Variants in FASTKD2 observed in about 807,000 individuals in gnomAD.
FASTKD2 encodes FAST kinase domain-containing protein 2, mitochondrial.
FASTKD2 carries 51 observed loss-of-function variants against 63.6 expected under a neutral mutation model. The ratio of observed to expected loss-of-function variants is 0.80; its 90% CI spans 0.64 to 1.01. The LOEUF is 1.01. FASTKD2 is among the 50% of genes least tolerant of loss of function. The pLI, the probability that FASTKD2 is intolerant of heterozygous loss-of-function variation, is 0.00. For synonymous variants in FASTKD2, 284 were observed against 293.4 expected (o/e 0.97, Z 0.33); for missense variants, 786 against 831.1 (o/e 0.95, Z 0.67).
chr2:206,772,106 T>C, intron 5 of FASTKD2, 75 bp from the exon 6 acceptor site: 1 of 1,594,634 alleles, frequency 6.3e-7, no homozygotes, highest in Non-Finnish European at 8.6e-7. Context: ...TGCTTTTATA[T>C]GAAAAAAGAA....
Position 206,786,840 on chromosome 2 carries a change from C to T in FASTKD2, c.1535C>T (p.Pro512Leu), listed in dbSNP as rs773071722. Residue 512 changes from proline to leucine, a missense_variant, in exon 8 of 12, where the codon CCC becomes CTC. By Grantham distance (98) the Pro-to-Leu change is moderately conservative (BLOSUM62 -3). Transcript: ENST00000402774. Reference protein sequence around the residue: ...VYSFCLMNYFPLAPFNQLLQK... With the variant: ...VYSFCLMNYFLLAPFNQLLQK... ...TCATTTTGCTTGATGAATTACTTTC[C>T]CCTGGCTCCTTTTAATCAGCTTCTG... The T allele has an allele frequency of 1.2e-5, 20 of 1,613,584 alleles. No individual in the cohort carries two copies. Among genetic ancestry groups the T allele is most frequent in the Admixed American group, 1.7e-5 (1 of 59,978 alleles).
intron 7 of FASTKD2, among the ~76,000 whole-genome samples, chr2:206,777,050 C>T (rs1305198267): frequency 1.3e-5 from 2 of 151,956 alleles, no homozygotes; most frequent in Non-Finnish European, 2.9e-5. Context: ...CTTTTTGATA[C>T]TATTATAAAC....
At position 206,792,886 on chromosome 2, in the gene FASTKD2, G is replaced by T. The variant is rs1574678316; in HGVS notation, c.*1084G>T. On this transcript the variant is annotated 3_prime_UTR_variant, in exon 12 of 12. Transcript: ENST00000402774. ...TTTGCCCAAGGCTACACAGAGTAGGGGAGGGCTGGAGTTTGAATGTGAGCT... is the reference window on the plus strand; with the variant it reads ...TTTGCCCAAGGCTACACAGAGTAGGTGAGGGCTGGAGTTTGAATGTGAGCT... Among the ~76,000 whole-genome samples, 1 of 152,126 alleles carries T rather than the reference G, an allele frequency of 6.6e-6. No individual in the cohort carries two copies. Among genetic ancestry groups the T allele is most frequent in the African/African-American group, 2.4e-5 (1 of 41,422 alleles).
chr2:206,781,325 TTTTTTTG>T (rs1413603250), intron 7 of FASTKD2, among the ~76,000 whole-genome samples: 1 of 131,244 alleles, frequency 7.6e-6, no homozygotes, highest in African/African-American at 3.2e-5. Flanking sequence ...TTTTTTTTTT[TTTTTTTG>T]AGACAGAGTT....
rs1177340594 is a variant in FASTKD2, at chr2:206,772,022, G to T, written c.1114+5G>T. 20 of 1,613,770 alleles carry T rather than the reference G, an allele frequency of 1.2e-5. No homozygotes were observed. The highest frequency in any genetic ancestry group is 1.2e-4 in the Admixed American group (7 of 60,000). On this transcript the variant is annotated splice_donor_5th_base_variant and intron_variant, in intron 5 of 11. Coordinates refer to ENST00000402774, the MANE Select transcript of FASTKD2 (RefSeq NM_001136193.2). The stretch of plus-strand genomic sequence containing the variant: ...AATGCAGTAAGGTGGTCCTAGGTAA[G>T]AGGAATTTTTCTTTCATCATTTGCA...
intron 10 of FASTKD2, chr2:206,790,289 G>T: frequency 5.4e-6 from 2 of 368,262 alleles, no homozygotes; most frequent in East Asian, 6.0e-5. Context: ...CCTTAAAATT[G>T]GTGCTTTCAT....
At chr2:206,784,175 A>G (rs1160086460) in intron 7 of FASTKD2, among the ~76,000 whole-genome samples, 6 of 152,248 alleles carry the variant, frequency 3.9e-5, no homozygotes, top group African/African-American at 1.2e-4. Context: ...AAGGCTATAA[A>G]AAAAGAAGTT....
At chr2:206,775,239 C>T (rs1237858678) in intron 7 of FASTKD2, among the ~76,000 whole-genome samples, 2 of 151,852 alleles carry the variant, frequency 1.3e-5, no homozygotes, top group Non-Finnish European at 2.9e-5. Context: ...ATTCTCATTT[C>T]AATTCTTATG....
At chr2:206,767,508 A>G (rs2105970907) in intron 2 of FASTKD2, 38 bp downstream of exon 2, 1 of 1,527,900 alleles carries the variant, frequency 6.5e-7, no homozygotes, top group Non-Finnish European at 9.0e-7. Flanking sequence ...CATTTACTTG[A>G]TTTAGAATAT....
At position 206,771,947 on chromosome 2, in the gene FASTKD2, G is replaced by A; in HGVS notation, c.1044G>A (p.Met348Ile). The A allele has an allele frequency of 6.2e-7, 1 of 1,611,846 alleles. No homozygotes were observed. The highest frequency in any genetic ancestry group is 1.1e-5 in the South Asian group (1 of 91,028). The change falls in exon 5 of 12, where the codon ATG (methionine) becomes ATA (isoleucine). Residue 348 changes from methionine (M) to isoleucine (I), a missense_variant. Met to Ile is a conservative substitution (Grantham distance 10). Transcript: ENST00000402774. The part of the protein sequence containing the change: ...DRFSVLNSQH[M>I]FEVLAAMNHR... ...TTTCTGTTTTGAATAGCCAACACAT[G>A]TTTGAAGTACTAGCTGCCATGAATC...
intron 2 of FASTKD2, among the ~76,000 whole-genome samples, chr2:206,768,011 C>G (rs948905292): frequency 2.6e-5 from 4 of 152,054 alleles, no homozygotes; most frequent in African/African-American, 7.2e-5. Context: ...TGGGTGGGAA[C>G]AAGTTTTGTA....
chr2:206,780,860 G>A (rs527286159), intron 7 of FASTKD2, among the ~76,000 whole-genome samples: 4 of 152,020 alleles, frequency 2.6e-5, no homozygotes, highest in South Asian at 4.2e-4. Context: ...CAAATTCTCC[G>A]ATTCTCTTTT....
chr2:206,772,949 A>G (rs1435861997), intron 6 of FASTKD2, among the ~76,000 whole-genome samples: 1 of 152,202 alleles, frequency 6.6e-6, no homozygotes, highest in East Asian at 1.9e-4. Flanking sequence ...GTCAAGGACA[A>G]TCTGTATACT....
intron 7 of FASTKD2, among the ~76,000 whole-genome samples, chr2:206,778,899 C>G (rs1034409460): frequency 3.3e-5 from 5 of 152,158 alleles, no homozygotes; most frequent in Non-Finnish European, 7.4e-5. Flanking sequence ...GAAACACCCC[C>G]CTATGCCCAG....
rs147727753 is a variant in FASTKD2, at chr2:206,766,722, G to A, written c.29G>A (p.Ser10Asn). Residue 10 changes from serine (S) to asparagine (N), a missense_variant, in exon 2 of 12, where the codon AGT (serine) becomes AAT (asparagine). Physicochemically the swap from Ser to Asn is conservative, Grantham distance 46. Transcript: ENST00000402774. ...TTGACAACTTTGAAGCCATTTGGAA[G>A]TGTTTCAGTGGAGAGCAAAATGAAT... MLTTLKPFG[S>N]VSVESKMNNK... 13 of 1,614,138 alleles carry A rather than the reference G, an allele frequency of 8.1e-6. No individual in the cohort carries two copies. The Admixed American group carries it at 2.2e-4, about 27-fold the overall frequency.
At chr2:206,769,328 A>T (rs988559071) in intron 2 of FASTKD2, among the ~76,000 whole-genome samples, 2 of 152,068 alleles carry the variant, frequency 1.3e-5, no homozygotes, top group Non-Finnish European at 2.9e-5. Context: ...TTTGTGATTC[A>T]TTGGTTATGT....
chr2:206,785,455 A>G (rs1690115090), intron 7 of FASTKD2, among the ~76,000 whole-genome samples: 1 of 152,152 alleles, frequency 6.6e-6, no homozygotes, highest in African/African-American at 2.4e-5. Context: ...AGCAGGAAAG[A>G]ACATTCCAAG....
intron 7 of FASTKD2, among the ~76,000 whole-genome samples, chr2:206,777,401 A>G (rs899798202): frequency 7.9e-5 from 12 of 152,132 alleles, no homozygotes; most frequent in African/African-American, 1.7e-4. Context: ...AATTTCATCA[A>G]ATGGTTTTTC....
chr2:206,770,037 A>G (rs1689626729), intron 2 of FASTKD2, 54 bp from the exon 3 acceptor site: 3 of 1,150,854 alleles, frequency 2.6e-6, no homozygotes, highest in Admixed American at 1.7e-5. Flanking sequence ...CTTGGGTAAG[A>G]TAGTTTACTA....
Sources: allele counts gnomAD v4.1 joint callset (sites outside exome capture counted in the v4.1 genomes callset), GRCh38; gene constraint gnomAD v4.1.1; transcripts MANE v1.5; gene names NCBI Gene and HGNC (gene_info 2026-07-23, HGNC 2026-07-21).